Variants in TNRC18 observed in about 807,000 individuals in gnomAD.
TNRC18 encodes trinucleotide repeat-containing gene 18 protein.
TNRC18 carries 69 observed loss-of-function variants against 226.7 expected under a neutral mutation model. The ratio of observed to expected loss-of-function variants is 0.30; its 90% confidence interval spans 0.25 to 0.37. The LOEUF is 0.37. Ranked by LOEUF, TNRC18 falls within the 10% of genes least tolerant of loss-of-function variation. TNRC18 has a pLI of 1.00. For missense variants in TNRC18, 4,754 were observed against 4,256.6 expected, an observed-to-expected ratio of 1.12 and a Z score of -3.25; for synonymous variants, 2,449 against 1,927.6, an observed-to-expected ratio of 1.27 and a Z score of -7.09.
In TNRC18 at chr7:5,420,887, C is replaced by CGCCGGGGCCGCAGGACTG. The variant is rs139552678; in HGVS notation, c.187+172_187+173insCAGTCCTGCGGCCCCGGC. ...AGCCGAGCCGCGCGACACTCTCCAC[C>CGCCGGGGCCGCAGGACTG]GCCTTGGCTCCGGGACCAGGAGTTT... On this transcript the variant is annotated intron_variant, in intron 2 of 29. Coordinates refer to ENST00000430969, the MANE Select transcript of TNRC18 (RefSeq NM_001080495.3). 3.5e-5 allele frequency: 29 copies of CGCCGGGGCCGCAGGACTG among 839,006 alleles called. No individual in the cohort carries two copies. The African/African-American group carries it at 3.9e-4, about 11-fold the overall frequency. 52.0% of individuals were successfully genotyped at this position (839,006 alleles called of 1,614,324 possible).
intron 16 of TNRC18, among the ~76,000 whole-genome samples, chr7:5,352,465 T>A (rs972704513): frequency 6.6e-6 from 1 of 152,062 alleles, no homozygotes; most frequent in Non-Finnish European, 1.5e-5. Context: ...GGGATTACGA[T>A]GGCCCAAGGG....
intron 4 of TNRC18, chr7:5,390,186 A>T (rs1485164834): frequency 2.0e-6 from 1 of 498,180 alleles, no homozygotes; most frequent in African/African-American, 2.0e-5. Flanking sequence ...CAACACAGCA[A>T]GACTCCACCT....
intron 2 of TNRC18, among the ~76,000 whole-genome samples, chr7:5,409,601 A>G (rs1781706682): frequency 6.6e-6 from 1 of 151,972 alleles, no homozygotes; most frequent in South Asian, 2.1e-4. Context: ...AAAAATAATA[A>G]TAATTAAATC....
chr7:5,381,185 G>A (rs1779374530), intron 5 of TNRC18, among the ~76,000 whole-genome samples: 1 of 152,156 alleles, frequency 6.6e-6, no homozygotes, highest in South Asian at 2.1e-4. Flanking sequence ...TGCAAATGTG[G>A]TTGGCCTCTG....
At chr7:5,367,736 G>A (rs547434637) in intron 11 of TNRC18, among the ~76,000 whole-genome samples, 1 of 149,926 alleles carries the variant, frequency 6.7e-6, no homozygotes, top group Non-Finnish European at 1.5e-5. Flanking sequence ...CCAACCAAGG[G>A]AATTTTGATT....
In TNRC18 at chr7:5,328,512, C is replaced by CT. The variant is rs144919082; in HGVS notation, c.6148-3265dup. On this transcript the variant is annotated intron_variant, in intron 19 of 29. Coordinates refer to ENST00000430969, the MANE Select transcript of TNRC18 (RefSeq NM_001080495.3). ...GTGAGACCACCTTCCCCGCCGCCGC[C>CT]TTTTTTTTTTTTTTGAGACAGAGTC... 4.0e-3 allele frequency among the ~76,000 whole-genome samples: 578 copies of CT among 143,086 alleles called. 3 individuals carry two copies. The highest frequency in any genetic ancestry group is 0.013 in the African/African-American group (508 of 39,210). The allele number at this position is 143,086 out of a possible 152,430, so 93.9% of individuals were successfully genotyped here.
chr7:5,361,777 G>C (rs1562549067), intron 13 of TNRC18, 55 bp from the exon 14 acceptor site: 4 of 1,543,358 alleles, frequency 2.6e-6, no homozygotes, highest in African/African-American at 2.8e-5. Flanking sequence ...GGGGCGCGGA[G>C]AACGGGCACA....
Position 5,321,101 on chromosome 7 carries a change from GC to G in TNRC18, c.6531del (p.His2178ThrfsTer39). ...TCTGGCGAGTGCACGGTCTGCACGT[GC>G]CCGGCGTACAGCAGCTTGTCATCCA... ...IPMDDKLLYAGHVQTVHSPDI... is the reference protein window; with the variant it reads ...IPMDDKLLYAXHVQTVHSPDI... On this transcript the variant is annotated frameshift_variant, in exon 22 of 30. Transcript: ENST00000430969. LOFTEE classifies it high-confidence loss of function. 6.4e-7 allele frequency: 1 copy of G among 1,553,268 alleles called. No homozygotes were observed. The highest frequency in any genetic ancestry group is 2.4e-5 in the East Asian group (1 of 41,128).
At chr7:5,373,362 C>T (rs1019787932) in intron 10 of TNRC18, among the ~76,000 whole-genome samples, 4 of 152,118 alleles carry the variant, frequency 2.6e-5, no homozygotes, top group Non-Finnish European at 2.9e-5. Context: ...AGTTCTGTCC[C>T]CCAAGTGTAA....
In TNRC18 at chr7:5,376,862, G is replaced by A; in HGVS notation, c.2593C>T (p.His865Tyr). 1 of 1,611,660 alleles carries A rather than the reference G, an allele frequency of 6.2e-7. No individual in the cohort carries two copies. The highest frequency in any genetic ancestry group is 1.3e-5 in the African/African-American group (1 of 75,028). Residue 865 changes from histidine to tyrosine, a missense_variant, in exon 8 of 30, where the codon CAC (histidine) becomes TAC (tyrosine). Coordinates refer to ENST00000430969, the MANE Select transcript of TNRC18 (RefSeq NM_001080495.3). ...SGQLVVIPSD[H>Y]LPHFAELMER... is the part of the protein sequence containing the mutation. ...GTCCACTTACCAAAGTGAGGAAGGT[G>A]ATCACTGGGAATGACCACCAGCTGG...
chr7:5,311,972 C>T (rs1425565699), intron 27 of TNRC18, among the ~76,000 whole-genome samples: 2 of 151,552 alleles, frequency 1.3e-5, no homozygotes, highest in Middle Eastern at 6.5e-3. Context: ...CCCATCTCTA[C>T]TGAAAATACA....
Position 5,328,081 on chromosome 7 carries a change from G to T in TNRC18, c.6148-2833C>A, listed in dbSNP as rs564830099. The stretch of plus-strand genomic sequence containing the variant: ...TACTAAAAATACAAAAATTAGGCGT[G>T]AGGGCACGAGCCTGTAATCCCAGCT... On this transcript the variant is annotated intron_variant, in intron 19 of 29. Coordinates refer to ENST00000430969, the MANE Select transcript of TNRC18 (RefSeq NM_001080495.3). Among the ~76,000 whole-genome samples, 310 of 152,160 alleles carry T rather than the reference G, an allele frequency of 2.0e-3. 3 individuals carry two copies. Among genetic ancestry groups the T allele is most frequent in the African/African-American group, 7.0e-3 (291 of 41,500 alleles).
Position 5,308,200 on chromosome 7 carries a change from T to A in TNRC18, c.8813A>T (p.Tyr2938Phe), listed in dbSNP as rs542806116. The change falls in exon 30 of 30, where the codon TAC becomes TTC. Residue 2938 changes from tyrosine to phenylalanine, a missense_variant. Tyr to Phe is a conservative substitution (Grantham distance 22). Coordinates refer to ENST00000430969, the MANE Select transcript of TNRC18 (RefSeq NM_001080495.3). ...GTAGTACAGGCCCTCGCTGTCCTGG[T>A]ACTTCTTGGTCTTCAGCATCTGCTC... The part of the protein sequence containing the change: ...QYEQMLKTKK[Y>F]QDSEGLYYLA... 9 of 1,609,156 alleles carry A rather than the reference T, an allele frequency of 5.6e-6. No homozygotes were observed. The East Asian group carries it at 1.8e-4, about 32-fold the overall frequency.
At position 5,332,859 on chromosome 7, in the gene TNRC18, C is replaced by A. The variant is rs776530115; in HGVS notation, c.5910G>T (p.Lys1970Asn). 1 of 1,511,752 alleles carries A rather than the reference C, an allele frequency of 6.6e-7. No individual in the cohort carries two copies. The highest frequency in any genetic ancestry group is 1.2e-5 in the South Asian group (1 of 80,756). The allele number at this position is 1,511,752 out of a possible 1,614,324, so 93.6% of individuals were successfully genotyped here. ...CCTTGGGGCCCCGCAGCTTCCGGGC[C>A]TTGCGCCCCTTCTCCACCGCCAGCT... ...KAKLAVEKGR[K>N]ARKLRGPKEP... Residue 1970 changes from lysine (K) to asparagine (N), a missense_variant, in exon 19 of 30, where the codon AAG (lysine) becomes AAT (asparagine). Lys to Asn is a moderately conservative substitution (Grantham distance 94). Coordinates refer to ENST00000430969, the MANE Select transcript of TNRC18 (RefSeq NM_001080495.3).
intron 12 of TNRC18, among the ~76,000 whole-genome samples, chr7:5,362,299 G>A (rs1014961199): frequency 1.3e-5 from 2 of 152,158 alleles, no homozygotes; most frequent in African/African-American, 4.8e-5. Flanking sequence ...ATCAGTGAGG[G>A]CCACTGTGTC....
At chr7:5,335,578 C>A (rs11761955) in intron 18 of TNRC18, among the ~76,000 whole-genome samples, 10 of 143,710 alleles carry the variant, frequency 7.0e-5, no homozygotes, top group Admixed American at 1.4e-4. Context: ...GCACTCCAGT[C>A]TGGGTGACAG....
chr7:5,375,287 C>T lies in TNRC18; in HGVS notation c.2799+747G>A, dbSNP rs553993655. Among the ~76,000 whole-genome samples, 14 of 152,098 alleles carry T rather than the reference C, an allele frequency of 9.2e-5. No homozygotes were observed. The South Asian group carries it at 1.5e-3, about 16-fold the overall frequency. The stretch of plus-strand genomic sequence containing the variant: ...TAGTACCACTGCACTCCAGCCTGGG[C>T]GACAGAGCAAGACTCCACCTCAAAA... On this transcript the variant is annotated intron_variant, in intron 9 of 29. Coordinates refer to ENST00000430969, the MANE Select transcript of TNRC18 (RefSeq NM_001080495.3).
chr7:5,375,395 C>T (rs1032198098), intron 9 of TNRC18, among the ~76,000 whole-genome samples: 1 of 152,182 alleles, frequency 6.6e-6, no homozygotes, highest in East Asian at 1.9e-4. Flanking sequence ...TAAACAGTCA[C>T]ATTTAGCAAC....
intron 18 of TNRC18, among the ~76,000 whole-genome samples, chr7:5,344,750 A>G (rs749359376): frequency 7.2e-5 from 11 of 152,166 alleles, no homozygotes; most frequent in Non-Finnish European, 1.6e-4. Flanking sequence ...GAACACATGC[A>G]TGACCATCTC....
Sources: allele counts gnomAD v4.1 joint callset (sites outside exome capture counted in the v4.1 genomes callset), GRCh38; gene constraint gnomAD v4.1.1; transcripts MANE v1.5; gene names NCBI Gene and HGNC (gene_info 2026-07-23, HGNC 2026-07-21).